BMPR1B: variants seen among roughly 807,000 people sequenced by gnomAD.
The protein encoded by BMPR1B is bone morphogenetic protein receptor type 1B, also known as bone morphogenetic protein receptor type-1B.
Under a neutral mutation model 59.1 loss-of-function variants are expected in BMPR1B, and 12 were observed. The ratio of observed to expected loss-of-function variants is 0.20; its 90% CI spans 0.13 to 0.33. BMPR1B has a LOEUF of 0.33. BMPR1B is among the 10% of genes least tolerant of loss of function. The probability of loss-of-function intolerance (pLI) is 1.00; values close to 1 mark genes in which losing one functional copy is unlikely to be tolerated. For missense variants in BMPR1B, 550 were observed against 610.9 expected (o/e 0.90, Z 1.05); for synonymous variants, 237 against 207.3 (o/e 1.14, Z -1.23).
At chr4:95,082,808 G>A (rs1729263169) in intron 3 of BMPR1B, among the ~76,000 whole-genome samples, 1 of 152,024 alleles carries the variant, frequency 6.6e-6, no homozygotes, top group African/African-American at 2.4e-5. Context: ...GGAGGCCGAG[G>A]CGGGCGGATC....
chr4:95,061,086 A>G (rs1727323206), intron 3 of BMPR1B, among the ~76,000 whole-genome samples: 1 of 151,564 alleles, frequency 6.6e-6, no homozygotes, highest in Non-Finnish European at 1.5e-5. Flanking sequence ...TCTTGCTTTG[A>G]AAATTAGCAC....
intron 10 of BMPR1B, among the ~76,000 whole-genome samples, chr4:95,133,154 G>C (rs1269189456): frequency 6.6e-6 from 1 of 151,994 alleles, no homozygotes; most frequent in Non-Finnish European, 1.5e-5. Context: ...ATTCCCATTT[G>C]TACTGGGCCA....
intron 3 of BMPR1B, among the ~76,000 whole-genome samples, chr4:95,055,518 A>G (rs551092146): frequency 6.6e-6 from 1 of 152,330 alleles, no homozygotes; most frequent in African/African-American, 2.4e-5. Flanking sequence ...TGTGTTTAAA[A>G]TGTTTTCTAC....
chr4:95,068,688 T>G (rs1255946034), intron 3 of BMPR1B, among the ~76,000 whole-genome samples: 1 of 152,200 alleles, frequency 6.6e-6, no homozygotes, highest in Non-Finnish European at 1.5e-5. Context: ...ACTTGTTTCC[T>G]TTAGTGAGAT....
At chr4:94,761,849 G>A (rs1423736101) in intron 1 of BMPR1B, among the ~76,000 whole-genome samples, 1 of 152,160 alleles carries the variant, frequency 6.6e-6, no homozygotes, top group African/African-American at 2.4e-5. Flanking sequence ...AGAAACTGAA[G>A]TAGAATTGTT....
At chr4:94,804,827 C>T (rs1045856126) in intron 1 of BMPR1B, among the ~76,000 whole-genome samples, 3 of 152,224 alleles carry the variant, frequency 2.0e-5, no homozygotes, top group South Asian at 4.1e-4. Flanking sequence ...AGAGTTTTCT[C>T]TTCTGATTAA....
At chr4:95,077,264 G>T (rs955750983) in intron 3 of BMPR1B, among the ~76,000 whole-genome samples, 11 of 152,220 alleles carry the variant, frequency 7.2e-5, no homozygotes, top group African/African-American at 2.6e-4. Flanking sequence ...ATTATGGAGT[G>T]ATTTGGTAAA....
chr4:94,896,897 C>T (rs1157465802), intron 2 of BMPR1B, among the ~76,000 whole-genome samples: 2 of 151,972 alleles, frequency 1.3e-5, no homozygotes, highest in Admixed American at 6.6e-5. Flanking sequence ...GAGGGTACTG[C>T]TTTGAAAGAT....
intron 2 of BMPR1B, among the ~76,000 whole-genome samples, chr4:94,988,850 AAGCCCCTTTTTTTTGGGAAAAG>A (rs1721565398): frequency 6.6e-6 from 1 of 152,110 alleles, no homozygotes; most frequent in Non-Finnish European, 1.5e-5. Context: ...AGTATGAAAA[AAGCCCCTTTTTTTTGGGAAAAG>A]AAAAGGATAA....
At chr4:95,135,044 T>A (rs1428836861) in intron 10 of BMPR1B, among the ~76,000 whole-genome samples, 1 of 152,190 alleles carries the variant, frequency 6.6e-6, no homozygotes, top group Admixed American at 6.5e-5. Flanking sequence ...TTGTATAAGG[T>A]GTAAGGAAGA....
chr4:94,771,615 T>C lies in BMPR1B; in HGVS notation c.-183+13547T>C, dbSNP rs545875798. Among the ~76,000 whole-genome samples the C allele has an allele frequency of 7.9e-5, 12 of 152,306 alleles. No homozygotes were observed. In the South Asian group the frequency reaches 2.5e-3, roughly 32 times the overall value. On this transcript the variant is annotated intron_variant, in intron 1 of 12. Coordinates refer to ENST00000515059, the MANE Select transcript of BMPR1B (RefSeq NM_001203.3). The stretch of plus-strand genomic sequence containing the variant: ...TTTAAAATATATGGAAAAATATATT[T>C]TGAACTTTAAATGATGTAATCTCCC...
At position 94,788,887 on chromosome 4, in the gene BMPR1B, ATAT is replaced by A. The variant is rs1722854817; in HGVS notation, c.-183+30821_-183+30823del. On this transcript the variant is annotated intron_variant, in intron 1 of 12. Transcript: ENST00000515059. Reference sequence around the variant, plus strand: ...TCTTCCTCTTCGGCATGGCCCCAGGATATTCCCTGGCATAACTGTGATTGTCTG... The same window carrying A: ...TCTTCCTCTTCGGCATGGCCCCAGGATCCCTGGCATAACTGTGATTGTCTG... Among the ~76,000 whole-genome samples, 3 of 152,246 alleles carry A rather than the reference ATAT, an allele frequency of 2.0e-5. No homozygotes were observed. The South Asian group carries it at 6.2e-4, about 32-fold the overall frequency.
rs58119571 is a variant in BMPR1B, at chr4:95,061,160, A to AACACACACAC, written c.-17-43207_-17-43198dup. On this transcript the variant is annotated intron_variant, in intron 3 of 12. Coordinates refer to ENST00000515059, the MANE Select transcript of BMPR1B (RefSeq NM_001203.3). ...GGAATTTTTGACTTGATTTAGAATA[A>AACACACACAC]ACACACACACACACACACACACACA... Among the ~76,000 whole-genome samples, 694 of 142,634 alleles carry AACACACACAC rather than the reference A, an allele frequency of 4.9e-3. 8 individuals are homozygous for AACACACACAC. The highest frequency in any genetic ancestry group is 0.036 in the East Asian group (171 of 4,714). 93.6% of individuals were successfully genotyped at this position (142,634 alleles called of 152,430 possible). A position where few individuals can be genotyped will look rare whatever the true frequency, so the allele number is the denominator to read the frequency against.
intron 3 of BMPR1B, among the ~76,000 whole-genome samples, chr4:95,018,319 A>C (rs1005001382): frequency 8.5e-5 from 13 of 152,188 alleles, no homozygotes; most frequent in Non-Finnish European, 2.9e-5. Context: ...AAATACCTAT[A>C]TTGTTTTTGG....
chr4:95,124,572 A>G (rs369141069), intron 7 of BMPR1B, among the ~76,000 whole-genome samples: 3 of 151,988 alleles, frequency 2.0e-5, no homozygotes, highest in East Asian at 3.9e-4. Context: ...ATATGACCTT[A>G]TATAAGAGAG....
At chr4:95,048,317 G>A (rs1276116690) in intron 3 of BMPR1B, among the ~76,000 whole-genome samples, 2 of 152,064 alleles carry the variant, frequency 1.3e-5, no homozygotes, top group Non-Finnish European at 2.9e-5. Context: ...ACCCAGTAAT[G>A]GCTTTACTGG....
intron 3 of BMPR1B, among the ~76,000 whole-genome samples, chr4:95,029,893 T>C (rs1422353116): frequency 4.6e-5 from 7 of 152,238 alleles, no homozygotes; most frequent in Admixed American, 4.6e-4. Flanking sequence ...TTCATGTGTC[T>C]TTTGGCTGCA....
chr4:95,008,084 A>G (rs1236155253), intron 3 of BMPR1B, among the ~76,000 whole-genome samples: 2 of 152,180 alleles, frequency 1.3e-5, no homozygotes, highest in Admixed American at 1.3e-4. Context: ...TAATCAGTAT[A>G]TAGGGTGGCA....
intron 3 of BMPR1B, among the ~76,000 whole-genome samples, chr4:95,051,481 G>A (rs565000324): frequency 3.3e-5 from 5 of 152,166 alleles, no homozygotes; most frequent in South Asian, 2.1e-4. Flanking sequence ...GGTCCTCACC[G>A]CCCTTTGTTG....
Sources: gnomAD v4.1 joint callset for allele counts (sites outside exome capture counted in the v4.1 genomes callset) on GRCh38, gnomAD v4.1.1 for gene constraint, MANE v1.5 for transcripts, NCBI Gene and HGNC (gene_info 2026-07-23, HGNC 2026-07-21) for gene names.